CYP2S1: variants seen among roughly 807,000 people sequenced by gnomAD.
The protein encoded by CYP2S1 is cytochrome P450 family 2 subfamily S member 1.
A neutral mutation model predicts 43.5 loss-of-function variants in CYP2S1; 32 were observed. That is an observed-to-expected ratio of 0.74 (90% confidence interval 0.56 to 0.99). CYP2S1 has a LOEUF of 0.99. Ranked by LOEUF, CYP2S1 falls within the 50% of genes least tolerant of loss-of-function variation. The pLI is 0.00. For synonymous variants in CYP2S1, 283 were observed against 302.9 expected, an observed-to-expected ratio of 0.93 and a Z score of 0.68; for missense variants, 575 against 673.9, an observed-to-expected ratio of 0.85 and a Z score of 1.62.
chr19:41,193,495 A>T, intron 1 of CYP2S1, 54 bp downstream of exon 1: 1 of 1,387,560 alleles, frequency 7.2e-7, no homozygotes, highest in Admixed American at 3.3e-5. Context: ...CTGGGAGAGA[A>T]ACCCGAGTGC....
Position 41,206,547 on chromosome 19 carries a change from G to A in CYP2S1, c.*59G>A, listed in dbSNP as rs762418146. 1 of 1,592,694 alleles carries A rather than the reference G, an allele frequency of 6.3e-7. No individual in the cohort carries two copies. The highest frequency in any genetic ancestry group is 8.6e-7 in the Non-Finnish European group (1 of 1,161,236). ...ACGGTGCCTCCAGCCTCAACAGTGG[G>A]CATGGACAGGGTTAATGTCTCCAGA... On this transcript the variant is annotated 3_prime_UTR_variant, in exon 9 of 9. Coordinates refer to ENST00000310054, the MANE Select transcript of CYP2S1 (RefSeq NM_030622.8).
In CYP2S1 at chr19:41,198,831, G is replaced by A. The variant is rs769905212; in HGVS notation, c.777G>A (p.Leu259=). The change falls in exon 5 of 9, where the codon CTG becomes CTA. Residue 259 remains leucine, a synonymous_variant. Coordinates refer to ENST00000310054, the MANE Select transcript of CYP2S1 (RefSeq NM_030622.8). The surrounding 1 kb of genome is among the most constrained non-coding windows in gnomAD (Gnocchi z 4.9). ...VRQVQQHQGN[L]DASGPARDLV... ...AGGTGCAGCAGCACCAGGGGAACCT[G>A]GATGCTTCGGGCCCCGCACGTGACC... 1 of 1,614,160 alleles carries A rather than the reference G, an allele frequency of 6.2e-7. No homozygotes were observed. Among genetic ancestry groups the A allele is most frequent in the East Asian group, 2.2e-5 (1 of 44,884 alleles).
At position 41,198,413 on chromosome 19, in the gene CYP2S1, CT is replaced by C. The variant is rs759860106; in HGVS notation, c.494-48del. 4.4e-5 allele frequency: 71 copies of C among 1,602,618 alleles called. No homozygotes were observed. In the Middle Eastern group the frequency reaches 5.0e-4, roughly 11 times the overall value. On this transcript the variant is annotated intron_variant, in intron 3 of 8. Coordinates refer to ENST00000310054, the MANE Select transcript of CYP2S1 (RefSeq NM_030622.8). This position sits in a 1 kb window ranked among gnomAD's most constrained non-coding sequence, Gnocchi z 4.9. ...TTGGGTTCAGCTCCAACCTGCTCCCCTCTGCCTGGCTCCATCACAGCCTACC... is the reference window on the plus strand; with the variant it reads ...TTGGGTTCAGCTCCAACCTGCTCCCCCTGCCTGGCTCCATCACAGCCTACC...
intron 8 of CYP2S1, 78 bp downstream of exon 8, chr19:41,206,177 T>A: frequency 1.2e-6 from 2 of 1,608,640 alleles, no homozygotes; most frequent in Non-Finnish European, 1.7e-6. Flanking sequence ...GGCACCCTTC[T>A]GCACCCTGGG....
Position 41,193,225 on chromosome 19 carries a change from G to C in CYP2S1, c.-40G>C, listed in dbSNP as rs528991454. On this transcript the variant is annotated 5_prime_UTR_variant, in exon 1 of 9. Coordinates refer to ENST00000310054, the MANE Select transcript of CYP2S1 (RefSeq NM_030622.8). The stretch of plus-strand genomic sequence containing the variant: ...TCCCGCCCCTAACTAGCCCAGCCGC[G>C]CGGAGCGCCTGGGAGAGGAGAAGGA... 6.7e-7 allele frequency: 1 copy of C among 1,485,132 alleles called. No homozygotes were observed. Among genetic ancestry groups the C allele is most frequent in the Non-Finnish European group, 8.9e-7 (1 of 1,124,536 alleles). 92.0% of individuals were successfully genotyped at this position (1,485,132 alleles called of 1,614,324 possible). A position where few individuals can be genotyped will look rare whatever the true frequency, so the allele number is the denominator to read the frequency against.
Position 41,198,075 on chromosome 19 carries a change from C to A in CYP2S1, c.493+147C>A. 1 of 1,128,688 alleles carries A rather than the reference C, an allele frequency of 8.9e-7. No homozygotes were observed. The allele number at this position is 1,128,688 out of a possible 1,614,324, so 69.9% of individuals were successfully genotyped here. A position where few individuals can be genotyped will look rare whatever the true frequency, so the allele number is the denominator to read the frequency against. ...AGGGCTGGCCTGGGGGTTCTGTTCACTGCCACCTTCTGTCTCTGTCCCACT... is the reference window on the plus strand; with the variant it reads ...AGGGCTGGCCTGGGGGTTCTGTTCAATGCCACCTTCTGTCTCTGTCCCACT... On this transcript the variant is annotated intron_variant, in intron 3 of 8. Transcript: ENST00000310054. The surrounding 1 kb of genome is among the most constrained non-coding windows in gnomAD (Gnocchi z 4.9).
At chr19:41,205,927 G>A in intron 7 of CYP2S1, 31 bp from the exon 8 acceptor site, 11 of 1,609,942 alleles carry the variant, frequency 6.8e-6, no homozygotes, top group Non-Finnish European at 9.3e-6. Flanking sequence ...GGTGGGAAGG[G>A]GTTTATAGTT....
In CYP2S1 at chr19:41,206,619, G is replaced by A. The variant is rs374775449; in HGVS notation, c.*131G>A. On this transcript the variant is annotated 3_prime_UTR_variant, in exon 9 of 9. Transcript: ENST00000310054. ...ATTTACACGCCTGCAGTTGTTTTCC[G>A]GAGTCTGTCCCACGGCCCACACGCT... The A allele has an allele frequency of 1.7e-4, 198 of 1,186,442 alleles. 2 individuals carry two copies. Among genetic ancestry groups the A allele is most frequent in the Non-Finnish European group, 1.9e-4 (155 of 801,126 alleles). 73.5% of individuals were successfully genotyped at this position (1,186,442 alleles called of 1,614,324 possible).
chr19:41,201,687 G>C (rs994776003), intron 6 of CYP2S1, among the ~76,000 whole-genome samples: 1 of 152,002 alleles, frequency 6.6e-6, no homozygotes, highest in Non-Finnish European at 1.5e-5. Context: ...CTGGGCGACA[G>C]AGCGAGACAC....
chr19:41,195,104 A>G (rs2033395374), intron 2 of CYP2S1, among the ~76,000 whole-genome samples: 1 of 152,102 alleles, frequency 6.6e-6, no homozygotes. Context: ...CAACAGAGTG[A>G]GCCTCCATCT....
intron 7 of CYP2S1, among the ~76,000 whole-genome samples, chr19:41,205,342 TTTTCTTTC>T (rs3082705): frequency 6.7e-4 from 75 of 111,718 alleles, no homozygotes; most frequent in Non-Finnish European, 1.1e-3. Context: ...TTCTTTCTTT[TTTTCTTTC>T]TTTCTTTCTT....
At position 41,198,491 on chromosome 19, in the gene CYP2S1, G is replaced by T. The variant is rs2033443929; in HGVS notation, c.523G>T (p.Ala175Ser). ...CCCATTCGATCCCTCCCTGCTGCTG[G>T]CCCAGGCCACCTCCAACGTAGTCTG... The part of the protein sequence containing the change: ...GRPFDPSLLL[A>S]QATSNVVCSL... Residue 175 changes from alanine to serine, a missense_variant, in exon 4 of 9, where the codon GCC (alanine) becomes TCC (serine). This residue lies in a region of CYP2S1 where 353 missense variants were observed against 367.6 expected (regional missense o/e 0.96). Transcript: ENST00000310054. This position sits in a 1 kb window ranked among gnomAD's most constrained non-coding sequence, Gnocchi z 4.9. 1.2e-6 allele frequency: 2 copies of T among 1,613,788 alleles called. No homozygotes were observed. Among genetic ancestry groups the T allele is most frequent in the African/African-American group, 2.7e-5 (2 of 74,826 alleles).
chr19:41,196,933 C>T (rs1461901840), intron 2 of CYP2S1, among the ~76,000 whole-genome samples: 2 of 152,240 alleles, frequency 1.3e-5, no homozygotes, highest in East Asian at 3.9e-4. Flanking sequence ...GCGGTGCTCA[C>T]GCTTGCCATT....
chr19:41,201,444 GC>G (rs1568401227), intron 6 of CYP2S1, 72 bp downstream of exon 6: 3 of 1,550,386 alleles, frequency 1.9e-6, no homozygotes, highest in Non-Finnish European at 2.6e-6. Context: ...GGTGGCTCAC[GC>G]CTATAATCCC....
Position 41,201,215 on chromosome 19 carries a change from G to A in CYP2S1, c.835-16G>A, listed in dbSNP as rs777649108. ...AAGGCTGTGTTCTCTCAGCCCCTCT[G>A]CCTGGTTTCTTTCAGGAGGAACAAA... is the stretch of plus-strand genomic sequence containing the variant. On this transcript the variant is annotated splice_polypyrimidine_tract_variant and intron_variant, in intron 5 of 8. Transcript: ENST00000310054. The A allele has an allele frequency of 1.9e-6, 3 of 1,613,236 alleles. No homozygotes were observed. The highest frequency in any genetic ancestry group is 2.2e-5 in the South Asian group (2 of 90,986).
intron 6 of CYP2S1, among the ~76,000 whole-genome samples, chr19:41,201,805 C>G (rs913520381): frequency 6.6e-6 from 1 of 151,526 alleles, no homozygotes; most frequent in Non-Finnish European, 1.5e-5. Flanking sequence ...TTTGAGATGT[C>G]GAGGAGCCAG....
At chr19:41,200,263 C>A (rs920139653) in intron 5 of CYP2S1, among the ~76,000 whole-genome samples, 28 of 152,246 alleles carry the variant, frequency 1.8e-4, no homozygotes, top group African/African-American at 6.0e-4. Flanking sequence ...CAGTAGTGTT[C>A]AGTACATTCA....
At chr19:41,194,854 G>C (rs1250190050) in intron 2 of CYP2S1, 145 bp downstream of exon 2, 1 of 1,261,478 alleles carries the variant, frequency 7.9e-7, no homozygotes, top group East Asian at 3.0e-5. Flanking sequence ...AGTGGCTAGT[G>C]CCTGAAATCC....
At chr19:41,193,748 TC>T in intron 1 of CYP2S1, 1 of 315,786 alleles carries the variant, frequency 3.2e-6, no homozygotes. Flanking sequence ...ACAGGAGTCC[TC>T]CAGCCGAGGA....
Sources: gnomAD v4.1 joint callset for allele counts (sites outside exome capture counted in the v4.1 genomes callset) on GRCh38, gnomAD v4.1.1 for gene constraint, gnomAD v4.1.1 regional missense constraint, Gnocchi (gnomAD v3.1) non-coding constraint, MANE v1.5 for transcripts, NCBI Gene and HGNC (gene_info 2026-07-23, HGNC 2026-07-21) for gene names.